Variants in CTNNA3 observed in about 807,000 individuals in gnomAD.
CTNNA3 encodes the protein catenin alpha-3.
CTNNA3 carries 76 observed loss-of-function variants against 95.7 expected under a neutral mutation model. The observed-to-expected ratio is 0.79, with a 90% CI of 0.66 to 0.96. The LOEUF is 0.96. CTNNA3 is among the 40% of genes least tolerant of loss of function. CTNNA3 has a pLI of 0.00. For missense variants in CTNNA3, 1,191 were observed against 1,089.8 expected (o/e 1.09, Z -1.31); for synonymous variants, 431 against 374.4 (o/e 1.15, Z -1.74).
chr10:67,760,503 T>C (rs1400230310), intron 1 of CTNNA3, among the ~76,000 whole-genome samples: 2 of 152,194 alleles, frequency 1.3e-5, no homozygotes, highest in African/African-American at 4.8e-5. Context: ...GCAAACATTA[T>C]AGAGTGCACT....
intron 10 of CTNNA3, among the ~76,000 whole-genome samples, chr10:66,525,628 A>AGT (rs148353534): frequency 1.4e-4 from 22 of 152,050 alleles, no homozygotes; most frequent in Admixed American, 9.2e-4. Context: ...AAAGAGAGAG[A>AGT]GTGTGTGTGT....
chr10:66,515,125 C>G (rs1197552656), intron 11 of CTNNA3, among the ~76,000 whole-genome samples: 4 of 151,996 alleles, frequency 2.6e-5, no homozygotes, highest in Non-Finnish European at 5.9e-5. Flanking sequence ...AGTTTAAAGT[C>G]TAAGAGTCCT....
rs908408558 is a variant in CTNNA3, at chr10:67,094,519, A to G, written c.1047+85798T>C. Among the ~76,000 whole-genome samples, 11 of 151,814 alleles carry G rather than the reference A, an allele frequency of 7.2e-5. 1 individual carries two copies. The East Asian group carries it at 9.7e-4, about 13-fold the overall frequency. Reference sequence around the variant, plus strand: ...ATTACTGGCCATATTCTATACCTAAATCACTTGGTCCTTCCACTGATATTT... The same window carrying G: ...ATTACTGGCCATATTCTATACCTAAGTCACTTGGTCCTTCCACTGATATTT... On this transcript the variant is annotated intron_variant, in intron 7 of 17. Coordinates refer to ENST00000433211, the MANE Select transcript of CTNNA3 (RefSeq NM_013266.4).
chr10:67,751,274 T>C, intron 1 of CTNNA3: 2 of 1,096,870 alleles, frequency 1.8e-6, no homozygotes, highest in Admixed American at 1.7e-5. Context: ...ATTCTCTTTC[T>C]TCGCTGAAGT....
At chr10:66,954,112 TA>T (rs1239515533) in intron 7 of CTNNA3, among the ~76,000 whole-genome samples, 3 of 152,222 alleles carry the variant, frequency 2.0e-5, no homozygotes, top group African/African-American at 7.2e-5. Context: ...ATGCCTCTAC[TA>T]GTCAGTAAAT....
intron 11 of CTNNA3, among the ~76,000 whole-genome samples, chr10:66,446,034 T>A (rs1419943591): frequency 6.6e-6 from 1 of 152,136 alleles, no homozygotes; most frequent in East Asian, 1.9e-4. Context: ...CATCAGAGAA[T>A]ACTATTAACA....
intron 4 of CTNNA3, among the ~76,000 whole-genome samples, chr10:67,538,999 A>G (rs77607321): frequency 2.9e-3 from 448 of 152,340 alleles, no homozygotes; most frequent in African/African-American, 9.9e-3. Context: ...CATATTAAAT[A>G]CATGTCTACA....
At chr10:67,511,264 T>C (rs1367284495) in intron 5 of CTNNA3, among the ~76,000 whole-genome samples, 1 of 152,220 alleles carries the variant, frequency 6.6e-6, no homozygotes, top group East Asian at 1.9e-4. Flanking sequence ...ATCCCTGTCT[T>C]GTGCCAGTTT....
At chr10:66,337,900 G>A (rs1333585616) in intron 12 of CTNNA3, among the ~76,000 whole-genome samples, 2 of 152,024 alleles carry the variant, frequency 1.3e-5, no homozygotes, top group Non-Finnish European at 2.9e-5. Context: ...TTCATTCCTA[G>A]GTATCTATAT....
intron 7 of CTNNA3, among the ~76,000 whole-genome samples, chr10:67,171,380 G>A (rs367969945): frequency 1.1e-4 from 16 of 152,170 alleles, no homozygotes; most frequent in Admixed American, 4.6e-4. Context: ...TTCGAGACCA[G>A]CCTGACCAAC....
chr10:67,380,397 G>A (rs1301533525), intron 5 of CTNNA3, among the ~76,000 whole-genome samples: 1 of 152,170 alleles, frequency 6.6e-6, no homozygotes, highest in Non-Finnish European at 1.5e-5. Flanking sequence ...GAATATTCCT[G>A]GAGATTAACT....
chr10:66,026,350 T>C (rs1820844283), intron 15 of CTNNA3, among the ~76,000 whole-genome samples: 1 of 152,212 alleles, frequency 6.6e-6, no homozygotes, highest in Non-Finnish European at 1.5e-5. Context: ...ATCAATGTTT[T>C]CATTGAACTG....
intron 5 of CTNNA3, among the ~76,000 whole-genome samples, chr10:67,429,961 T>C (rs1000340441): frequency 5.8e-4 from 88 of 152,054 alleles, no homozygotes; most frequent in African/African-American, 2.1e-3. Context: ...AATCATCAAT[T>C]GAGGGAATTA....
chr10:66,357,556 A>G (rs991884995), intron 12 of CTNNA3, among the ~76,000 whole-genome samples: 3 of 151,950 alleles, frequency 2.0e-5, no homozygotes, highest in Non-Finnish European at 4.4e-5. Flanking sequence ...ATATTTTCCT[A>G]TTGGAGTCTG....
intron 11 of CTNNA3, among the ~76,000 whole-genome samples, chr10:66,419,804 A>G (rs2093176822): frequency 6.6e-6 from 1 of 152,206 alleles, no homozygotes; most frequent in African/African-American, 2.4e-5. Context: ...GTTTTCTTCA[A>G]TAAATAGTGC....
At chr10:66,047,386 A>T (rs983175178) in intron 15 of CTNNA3, among the ~76,000 whole-genome samples, 1 of 152,164 alleles carries the variant, frequency 6.6e-6, no homozygotes, top group Non-Finnish European at 1.5e-5. Context: ...AACCACATGA[A>T]TATCTCAATA....
At chr10:65,927,035 T>A (rs1305318647) in intron 17 of CTNNA3, among the ~76,000 whole-genome samples, 1 of 152,182 alleles carries the variant, frequency 6.6e-6, no homozygotes, top group Non-Finnish European at 1.5e-5. Flanking sequence ...CAGTTGTATC[T>A]TTACTTTTTC....
intron 2 of CTNNA3, among the ~76,000 whole-genome samples, chr10:67,647,097 G>A (rs182953976): frequency 1.4e-3 from 205 of 148,728 alleles, no homozygotes; most frequent in African/African-American, 4.6e-3. Context: ...GCCTCATTCA[G>A]TTTTCACGAT....
intron 10 of CTNNA3, among the ~76,000 whole-genome samples, chr10:66,583,135 G>C (rs925746557): frequency 6.6e-6 from 1 of 151,732 alleles, no homozygotes; most frequent in Non-Finnish European, 1.5e-5. Context: ...TTTGGTACCA[G>C]GGTGATACTG....
Sources: gnomAD v4.1 joint callset for allele counts (sites outside exome capture counted in the v4.1 genomes callset) on GRCh38, gnomAD v4.1.1 for gene constraint, MANE v1.5 for transcripts, NCBI Gene and HGNC (gene_info 2026-07-23, HGNC 2026-07-21) for gene names.